The following ARB2A variants were observed in gnomAD, a reference collection of about 807,000 sequenced individuals.
ARB2A encodes the protein cotranscriptional regulator ARB2A.
the ARB2A span, among the ~76,000 whole-genome samples, chr5:94,029,300 G>A: frequency 6.6e-6 from 1 of 152,064 alleles, no homozygotes; most frequent in Non-Finnish European, 1.5e-5. Flanking sequence ...CCTGCATTTG[G>A]TCTTCATATC....
chr5:93,665,738 T>C, the ARB2A span, among the ~76,000 whole-genome samples: 2 of 152,220 alleles, frequency 1.3e-5, no homozygotes, highest in Admixed American at 6.5e-5. Context: ...TGATAATCTG[T>C]GACAACAATT....
At chr5:93,985,834 C>A in the ARB2A span, among the ~76,000 whole-genome samples, 3 of 152,230 alleles carry the variant, frequency 2.0e-5, no homozygotes, top group Non-Finnish European at 4.4e-5. Flanking sequence ...CAGCCTCTGC[C>A]CCGCCGCCAC....
the ARB2A span, among the ~76,000 whole-genome samples, chr5:93,848,677 GATAA>G: frequency 6.6e-6 from 1 of 152,120 alleles, no homozygotes; most frequent in Non-Finnish European, 1.5e-5. Context: ...AAAGATGAAT[GATAA>G]ATAAAACTGT....
the ARB2A span, among the ~76,000 whole-genome samples, chr5:93,864,823 G>A: frequency 2.6e-5 from 4 of 152,068 alleles, no homozygotes; most frequent in African/African-American, 9.7e-5. Context: ...TATGAATGAT[G>A]TCAAAGTACA....
the ARB2A span, among the ~76,000 whole-genome samples, chr5:93,720,320 AACAATTCAATC>A: frequency 6.6e-6 from 1 of 152,226 alleles, no homozygotes; most frequent in African/African-American, 2.4e-5. Context: ...CATTTCTTAA[AACAATTCAATC>A]ATTATATTGG....
the ARB2A span, among the ~76,000 whole-genome samples, chr5:93,751,214 A>T: frequency 1.3e-5 from 2 of 150,130 alleles, no homozygotes; most frequent in South Asian, 4.1e-4. Context: ...GAATTTAAGA[A>T]ATTATATAAT....
chr5:93,800,803 T>A, the ARB2A span, among the ~76,000 whole-genome samples: 3 of 152,140 alleles, frequency 2.0e-5, no homozygotes, highest in Non-Finnish European at 4.4e-5. Context: ...CACTTGATTT[T>A]CAACTAGTAG....
At chr5:93,964,696 T>A in the ARB2A span, among the ~76,000 whole-genome samples, 1 of 152,068 alleles carries the variant, frequency 6.6e-6, no homozygotes, top group East Asian at 1.9e-4. Context: ...TACTTCCTGC[T>A]GCTGTATGAA....
At chr5:93,809,834 C>T in the ARB2A span, among the ~76,000 whole-genome samples, 5 of 151,790 alleles carry the variant, frequency 3.3e-5, no homozygotes, top group African/African-American at 1.2e-4. Context: ...TACAAAAGAC[C>T]AAGCAACTAT....
At chr5:93,624,347 C>A in the ARB2A span, among the ~76,000 whole-genome samples, 4 of 152,108 alleles carry the variant, frequency 2.6e-5, no homozygotes, top group African/African-American at 9.7e-5. Context: ...CACCACTTTA[C>A]CCTTATCAGA....
At chr5:94,000,876 A>C in the ARB2A span, among the ~76,000 whole-genome samples, 1 of 152,090 alleles carries the variant, frequency 6.6e-6, no homozygotes, top group South Asian at 2.1e-4. Flanking sequence ...GTGAACATCC[A>C]TTTGTTCCAG....
At chr5:94,039,126 G>C in the ARB2A span, among the ~76,000 whole-genome samples, 1 of 152,232 alleles carries the variant, frequency 6.6e-6, no homozygotes, top group South Asian at 2.1e-4. Flanking sequence ...AGGAACTGTG[G>C]AAAGTTACAT....
the ARB2A span, among the ~76,000 whole-genome samples, chr5:94,005,142 T>C: frequency 6.6e-6 from 1 of 151,818 alleles, no homozygotes; most frequent in African/African-American, 2.4e-5. Context: ...TCATCTTGTT[T>C]GACCTCAATT....
At chr5:93,821,816 T>C in the ARB2A span, among the ~76,000 whole-genome samples, 1 of 151,996 alleles carries the variant, frequency 6.6e-6, no homozygotes, top group Non-Finnish European at 1.5e-5. Context: ...AGGAATCCAT[T>C]GTATGAGGTC....
the ARB2A span, among the ~76,000 whole-genome samples, chr5:94,035,521 C>T: frequency 6.6e-6 from 1 of 151,968 alleles, no homozygotes; most frequent in Non-Finnish European, 1.5e-5. Context: ...ACAGTAAAAC[C>T]AGTAAGTTAA....
At chr5:94,041,935 C>T in the ARB2A span, among the ~76,000 whole-genome samples, 1 of 146,722 alleles carries the variant, frequency 6.8e-6, no homozygotes, top group Non-Finnish European at 1.5e-5. Flanking sequence ...AGATTTTTCA[C>T]AAAAAAAAAA....
At chr5:93,942,650 T>C in the ARB2A span, among the ~76,000 whole-genome samples, 3 of 151,790 alleles carry the variant, frequency 2.0e-5, no homozygotes, top group East Asian at 5.8e-4. Flanking sequence ...ACAATAATCA[T>C]ATTTCATGAC....
At chr5:93,880,626 T>G in the ARB2A span, among the ~76,000 whole-genome samples, 1 of 151,744 alleles carries the variant, frequency 6.6e-6, no homozygotes, top group Non-Finnish European at 1.5e-5. Context: ...GCTTTACTAT[T>G]AAACTTCTAG....
At chr5:94,021,485 G>GT in the ARB2A span, among the ~76,000 whole-genome samples, 2 of 152,212 alleles carry the variant, frequency 1.3e-5, no homozygotes, top group African/African-American at 4.8e-5. Context: ...ATCAAAGAAG[G>GT]TAAGAATAAA....
Sources: allele counts gnomAD v4.1 joint callset (sites outside exome capture counted in the v4.1 genomes callset), GRCh38; gene constraint gnomAD v4.1.1; transcripts MANE v1.5; gene names NCBI Gene and HGNC (gene_info 2026-07-23, HGNC 2026-07-21).